The following NXNL2 variants were observed in gnomAD, a reference collection of about 807,000 sequenced individuals.
The protein encoded by NXNL2 is nucleoredoxin like 2.
In NXNL2, 7 loss-of-function variants were observed where a neutral mutation model predicts 11.1. That is an observed-to-expected ratio of 0.63 (90% CI 0.36 to 1.18). The LOEUF (loss-of-function observed/expected upper bound fraction) is 1.18, where lower values mean the gene tolerates loss of function less well. Ranked by LOEUF, NXNL2 falls within the 50% of genes most tolerant of loss-of-function variation. The pLI is 0.02. For missense variants in NXNL2, 233 were observed against 217.7 expected, an observed-to-expected ratio of 1.07 and a Z score of -0.44; for synonymous variants, 109 against 101.8, an observed-to-expected ratio of 1.07 and a Z score of -0.42.
intron 1 of NXNL2, among the ~76,000 whole-genome samples, chr9:88,568,083 G>A (rs2118523015): frequency 6.6e-6 from 1 of 152,314 alleles, no homozygotes; most frequent in South Asian, 2.1e-4. Flanking sequence ...CGCTGGGCTA[G>A]GGGATACCCA....
chr9:88,563,098 T>C (rs145876766), intron 1 of NXNL2, among the ~76,000 whole-genome samples: 269 of 151,998 alleles, frequency 1.8e-3, no homozygotes, highest in African/African-American at 6.2e-3. Context: ...AAAATAAAAA[T>C]AAAAATAAAA....
intron 1 of NXNL2, among the ~76,000 whole-genome samples, chr9:88,562,051 C>T (rs1321110438): frequency 6.6e-6 from 1 of 152,170 alleles, no homozygotes; most frequent in African/African-American, 2.4e-5. Flanking sequence ...CATCACCCCT[C>T]AGAAGTAGAA....
intron 1 of NXNL2, among the ~76,000 whole-genome samples, chr9:88,553,360 C>T (rs1239229722): frequency 6.7e-6 from 1 of 148,366 alleles, no homozygotes; most frequent in Admixed American, 6.6e-5. Flanking sequence ...AAAGCCCAAA[C>T]AACAACAACA....
chr9:88,562,556 C>G (rs1348493053), intron 1 of NXNL2, among the ~76,000 whole-genome samples: 1 of 152,094 alleles, frequency 6.6e-6, no homozygotes, highest in Non-Finnish European at 1.5e-5. Flanking sequence ...AGTTCAGGAC[C>G]AGCCTGGCCA....
At position 88,536,119 on chromosome 9, in the gene NXNL2, G is replaced by C. The variant is rs574154787; in HGVS notation, c.302+383G>C. 2.6e-5 allele frequency among the ~76,000 whole-genome samples: 4 copies of C among 152,160 alleles called. No homozygotes were observed. In the East Asian group the frequency reaches 7.7e-4, roughly 29 times the overall value. ...CCGGCCCAATCAGCCCTGGACTCCC[G>C]GCGCCGCTGCGTCATCCTCCCAGTT... On this transcript the variant is annotated intron_variant, in intron 1 of 1. Transcript: ENST00000375854.
chr9:88,568,013 A>AC (rs35935744), intron 1 of NXNL2, among the ~76,000 whole-genome samples: 1 of 152,040 alleles, frequency 6.6e-6, no homozygotes, highest in Non-Finnish European at 1.5e-5. Flanking sequence ...TCCCAACCCT[A>AC]CCCCTAAGGT....
downstream of NXNL2, among the ~76,000 whole-genome samples, chr9:88,576,935 C>A (rs1475144527): frequency 6.8e-6 from 1 of 146,990 alleles, no homozygotes; most frequent in Non-Finnish European, 1.5e-5. Context: ...TTATCCCCAA[C>A]TGGGGTGAGC....
intron 1 of NXNL2, among the ~76,000 whole-genome samples, chr9:88,543,285 T>TC (rs1829795869): frequency 1.3e-5 from 2 of 149,924 alleles, no homozygotes; most frequent in South Asian, 4.2e-4. Context: ...TTTTTTTTTT[T>TC]CCTTAGAAAT....
downstream of NXNL2, among the ~76,000 whole-genome samples, chr9:88,580,169 T>C (rs77024794): frequency 1.5e-3 from 233 of 151,508 alleles, no homozygotes; most frequent in African/African-American, 5.3e-3. Flanking sequence ...TTTTTTTTTT[T>C]TGAGATGGAG....
intron 2 of NXNL2, among the ~76,000 whole-genome samples, chr9:88,572,965 A>T (rs1564077362): frequency 6.6e-6 from 1 of 152,166 alleles, no homozygotes; most frequent in Non-Finnish European, 1.5e-5. Flanking sequence ...TACTGTTGAA[A>T]TTAGCACCCT....
At chr9:88,553,630 A>G (rs1829973734) in intron 1 of NXNL2, among the ~76,000 whole-genome samples, 1 of 152,172 alleles carries the variant, frequency 6.6e-6, no homozygotes, top group Admixed American at 6.5e-5. Context: ...CCAACAGGGT[A>G]AGAAGAACAT....
intron 1 of NXNL2, among the ~76,000 whole-genome samples, chr9:88,556,044 C>T (rs1830006235): frequency 6.6e-6 from 1 of 152,168 alleles, no homozygotes. Flanking sequence ...CAGTGGCTCC[C>T]AGAAACTCGG....
intron 2 of NXNL2, among the ~76,000 whole-genome samples, chr9:88,571,893 A>G (rs944526758): frequency 6.6e-5 from 10 of 152,114 alleles, no homozygotes; most frequent in African/African-American, 2.4e-4. Flanking sequence ...GACCACATCT[A>G]TTCAGAGAAA....
At chr9:88,537,405 G>A (rs1243218494) in intron 1 of NXNL2, among the ~76,000 whole-genome samples, 1 of 152,202 alleles carries the variant, frequency 6.6e-6, no homozygotes, top group Non-Finnish European at 1.5e-5. Context: ...GGTCAAGCCT[G>A]TGAGCTCCAG....
At chr9:88,566,987 T>TCTATCTATCTAC (rs1379868699) in intron 1 of NXNL2, among the ~76,000 whole-genome samples, 70 of 149,036 alleles carry the variant, frequency 4.7e-4, no homozygotes, top group African/African-American at 1.7e-3. Flanking sequence ...TATCTATCTA[T>TCTATCTATCTAC]CTATCTATCT....
chr9:88,552,492 A>G (rs541004718), intron 1 of NXNL2, among the ~76,000 whole-genome samples: 46 of 105,870 alleles, frequency 4.3e-4, no homozygotes, highest in African/African-American at 1.9e-3. Flanking sequence ...TTTTTTTTTG[A>G]GATGGAGTCT....
At chr9:88,546,396 A>G (rs9785197), downstream of NXNL2, among the ~76,000 whole-genome samples, 275 of 130,752 alleles carry the variant, frequency 2.1e-3, 2 homozygotes, top group African/African-American at 7.5e-3. Flanking sequence ...AACCATTATT[A>G]CTCCCTGAAG....
Position 88,544,596 on chromosome 9 carries a change from C to G in NXNL2, c.*49C>G. ...AGGACAGGTGCTGCTTCTCCAGCAC[C>G]GACGCTGGGGCAAAGAGGAGCATGT... On this transcript the variant is annotated 3_prime_UTR_variant, in exon 2 of 2. Transcript: ENST00000375854. 1 of 1,464,210 alleles carries G rather than the reference C, an allele frequency of 6.8e-7. No individual in the cohort carries two copies. Among genetic ancestry groups the G allele is most frequent in the Non-Finnish European group, 9.1e-7 (1 of 1,103,372 alleles). The allele number at this position is 1,464,210 out of a possible 1,614,324, so 90.7% of individuals were successfully genotyped here.
chr9:88,541,985 C>T (rs1829770612), intron 1 of NXNL2, among the ~76,000 whole-genome samples: 1 of 152,006 alleles, frequency 6.6e-6, no homozygotes, highest in Non-Finnish European at 1.5e-5. Flanking sequence ...AATCCCAGCA[C>T]TTTGGGAGGC....
Sources: gnomAD v4.1 joint callset for allele counts (sites outside exome capture counted in the v4.1 genomes callset) on GRCh38, gnomAD v4.1.1 for gene constraint, MANE v1.5 for transcripts, NCBI Gene and HGNC (gene_info 2026-07-23, HGNC 2026-07-21) for gene names.